BICD1: variants seen among roughly 807,000 people sequenced by gnomAD.
BICD1 encodes protein bicaudal D homolog 1.
BICD1 carries 35 observed loss-of-function variants against 92.5 expected under a neutral mutation model. That is an observed-to-expected ratio of 0.38 (90% CI 0.29 to 0.50). BICD1 has a LOEUF of 0.50. Among genes scored for constraint, BICD1 ranks in the 20% least tolerant of loss-of-function variants. BICD1 has a pLI of 0.93. For missense variants in BICD1, 950 were observed against 1,189.8 expected, an observed-to-expected ratio of 0.80 and a Z score of 2.97; for synonymous variants, 429 against 465.1, an observed-to-expected ratio of 0.92 and a Z score of 1.00.
intron 1 of BICD1, among the ~76,000 whole-genome samples, chr12:32,163,820 T>G (rs1292228947): frequency 6.6e-6 from 1 of 152,112 alleles, no homozygotes; most frequent in African/African-American, 2.4e-5. Flanking sequence ...ATGAACAGAA[T>G]CCACTAGTAC....
At chr12:32,200,344 C>T (rs951371536) in intron 1 of BICD1, among the ~76,000 whole-genome samples, 2 of 152,176 alleles carry the variant, frequency 1.3e-5, no homozygotes, top group Non-Finnish European at 2.9e-5. Context: ...CCACCATAGC[C>T]GACCAGGACA....
chr12:32,332,771 A>G (rs375912671), intron 5 of BICD1: 24 of 773,776 alleles, frequency 3.1e-5, no homozygotes, highest in Non-Finnish European at 3.8e-5. Context: ...GTAATTCCAG[A>G]CAGAACAGTA....
intron 9 of BICD1, among the ~76,000 whole-genome samples, chr12:32,375,205 G>C (rs917464168): frequency 3.3e-5 from 5 of 151,772 alleles, no homozygotes; most frequent in African/African-American, 1.2e-4. Flanking sequence ...GATTACAGGC[G>C]TGCGCCACCG....
intron 1 of BICD1, among the ~76,000 whole-genome samples, chr12:32,120,091 A>T (rs889868661): frequency 1.3e-5 from 2 of 152,168 alleles, no homozygotes; most frequent in Non-Finnish European, 2.9e-5. Flanking sequence ...AGTGTCTTTT[A>T]AAAGTTCTCT....
intron 1 of BICD1, among the ~76,000 whole-genome samples, chr12:32,165,440 C>T (rs576888048): frequency 1.3e-5 from 2 of 151,908 alleles, no homozygotes; most frequent in South Asian, 2.1e-4. Flanking sequence ...GGCGCGAACC[C>T]GGGAGGCGGA....
At chr12:32,339,061 A>C in intron 8 of BICD1, 82 bp downstream of exon 8, 2 of 1,439,584 alleles carry the variant, frequency 1.4e-6, no homozygotes, top group Non-Finnish European at 1.8e-6. Flanking sequence ...ACTCAGGCTC[A>C]CCCAGCTGCA....
chr12:32,111,685 G>A (rs1238313245), intron 1 of BICD1, among the ~76,000 whole-genome samples: 1 of 151,580 alleles, frequency 6.6e-6, no homozygotes, highest in African/African-American at 2.4e-5. Context: ...TCGGCTCACT[G>A]CAAGCTCCAC....
intron 2 of BICD1, among the ~76,000 whole-genome samples, chr12:32,217,376 C>T (rs1047231679): frequency 1.3e-5 from 2 of 152,032 alleles, no homozygotes; most frequent in South Asian, 4.2e-4. Flanking sequence ...ACAAGCAATC[C>T]ACATTTGAAA....
intron 1 of BICD1, among the ~76,000 whole-genome samples, chr12:32,113,410 TTC>T (rs1245651103): frequency 6.6e-6 from 1 of 152,180 alleles, no homozygotes; most frequent in East Asian, 1.9e-4. Context: ...GACACAGGGT[TTC>T]TCTCTGTCAC....
chr12:32,350,703 T>C (rs901539146), intron 8 of BICD1, among the ~76,000 whole-genome samples: 1 of 152,200 alleles, frequency 6.6e-6, no homozygotes, highest in Non-Finnish European at 1.5e-5. Context: ...TAGTCATCTA[T>C]TGATTTTATT....
chr12:32,219,558 C>A (rs1014461893), intron 2 of BICD1, among the ~76,000 whole-genome samples: 3 of 152,002 alleles, frequency 2.0e-5, no homozygotes, highest in Non-Finnish European at 2.9e-5. Context: ...ATATCATTGA[C>A]GATATGACTC....
At chr12:32,187,901 G>A (rs1478402833) in intron 1 of BICD1, among the ~76,000 whole-genome samples, 3 of 151,876 alleles carry the variant, frequency 2.0e-5, no homozygotes, top group African/African-American at 7.3e-5. Context: ...TTTTTGAGAC[G>A]GAGTCTCGCT....
At chr12:32,375,205 G>A (rs917464168) in intron 9 of BICD1, among the ~76,000 whole-genome samples, 2 of 151,772 alleles carry the variant, frequency 1.3e-5, no homozygotes, top group East Asian at 2.0e-4. Flanking sequence ...GATTACAGGC[G>A]TGCGCCACCG....
At chr12:32,319,564 GT>G (rs1452157491) in intron 4 of BICD1, among the ~76,000 whole-genome samples, 1 of 151,710 alleles carries the variant, frequency 6.6e-6, no homozygotes, top group Non-Finnish European at 1.5e-5. Context: ...GGGAGAGGTC[GT>G]TTGTTTTTTA....
At chr12:32,219,333 A>G (rs1206913984) in intron 2 of BICD1, among the ~76,000 whole-genome samples, 1 of 152,202 alleles carries the variant, frequency 6.6e-6, no homozygotes, top group Non-Finnish European at 1.5e-5. Flanking sequence ...ACAATGTCAA[A>G]TTCTCTTCCA....
At chr12:32,335,840 C>T (rs1028798693) in intron 6 of BICD1, among the ~76,000 whole-genome samples, 2 of 152,004 alleles carry the variant, frequency 1.3e-5, no homozygotes, top group Non-Finnish European at 2.9e-5. Context: ...CCACCTCGGC[C>T]TCCAAAAGTC....
At chr12:32,278,951 C>A (rs1947348110) in intron 2 of BICD1, among the ~76,000 whole-genome samples, 2 of 152,168 alleles carry the variant, frequency 1.3e-5, no homozygotes, top group Non-Finnish European at 2.9e-5. Context: ...AATAGAATAT[C>A]ACATTACTAG....
At chr12:32,116,462 GTCTCTCTCTCTCTC>G (rs1173406919) in intron 1 of BICD1, among the ~76,000 whole-genome samples, 1 of 91,650 alleles carries the variant, frequency 1.1e-5, no homozygotes, top group Non-Finnish European at 2.1e-5. Context: ...CTGTCTGTCT[GTCTCTCTCTCTCTC>G]TCTCTCTCTC....
intron 1 of BICD1, chr12:32,108,602 C>A: frequency 1.5e-6 from 1 of 674,242 alleles, no homozygotes; most frequent in Non-Finnish European, 2.7e-6. Context: ...TATTGTTTGG[C>A]ATATAATATC....
Sources: allele counts gnomAD v4.1 joint callset (sites outside exome capture counted in the v4.1 genomes callset), GRCh38; gene constraint gnomAD v4.1.1; transcripts MANE v1.5; gene names NCBI Gene and HGNC (gene_info 2026-07-23, HGNC 2026-07-21).